VAC14: variants seen among roughly 807,000 people sequenced by gnomAD.
The protein encoded by VAC14 is VAC14 component of PIKFYVE complex.
VAC14 carries 47 observed loss-of-function variants against 85.3 expected under a neutral mutation model. That is an observed-to-expected ratio of 0.55 (90% CI 0.44 to 0.70). The LOEUF is 0.70. VAC14 is among the 30% of genes least tolerant of loss of function. VAC14 has a pLI of 0.00. For missense variants in VAC14, 861 were observed against 1,004.3 expected (o/e 0.86, Z 1.93); for synonymous variants, 447 against 430.5 (o/e 1.04, Z -0.47).
intron 14 of VAC14, among the ~76,000 whole-genome samples, chr16:70,729,694 G>A (rs891336441): frequency 2.6e-4 from 40 of 152,046 alleles, no homozygotes; most frequent in Admixed American, 1.6e-3. Flanking sequence ...TCTGGAACAC[G>A]TAGGGTTCAG....
At chr16:70,781,010 G>C in intron 8 of VAC14, 71 bp from the exon 9 acceptor site, 2 of 1,588,398 alleles carry the variant, frequency 1.3e-6, no homozygotes, top group South Asian at 2.3e-5. Context: ...GCTGAAATGT[G>C]ATTCCCAGTG....
In VAC14 at chr16:70,783,979, G is replaced by T. The variant is rs2033933792; in HGVS notation, c.594+134C>A. ...GGGCAAAGCTGAATAAGGTGTTTTT[G>T]AATTATCAGGTGTTAATGGCTATTC... On this transcript the variant is annotated intron_variant, in intron 5 of 18. Transcript: ENST00000261776. The T allele has an allele frequency of 2.7e-5, 19 of 715,206 alleles. No individual in the cohort carries two copies. In the South Asian group the frequency reaches 3.3e-4, roughly 12 times the overall value. The allele number at this position is 715,206 out of a possible 1,614,324, so 44.3% of individuals were successfully genotyped here. A position where few individuals can be genotyped will look rare whatever the true frequency, so the allele number is the denominator to read the frequency against.
chr16:70,718,531 G>A (rs2054215854), intron 14 of VAC14, among the ~76,000 whole-genome samples: 2 of 151,000 alleles, frequency 1.3e-5, no homozygotes, highest in South Asian at 4.2e-4. Flanking sequence ...ACAAGATTGC[G>A]CCACTGCACT....
chr16:70,735,167 G>A (rs1245023892), intron 13 of VAC14, among the ~76,000 whole-genome samples: 1 of 152,072 alleles, frequency 6.6e-6, no homozygotes, highest in Admixed American at 6.5e-5. Flanking sequence ...ACCCAGGGAG[G>A]ACACTGGGGG....
At chr16:70,706,466 C>T (rs1295300134) in intron 14 of VAC14, among the ~76,000 whole-genome samples, 2 of 152,236 alleles carry the variant, frequency 1.3e-5, no homozygotes, top group Non-Finnish European at 2.9e-5. Flanking sequence ...TCATTTCCAT[C>T]CCCAGCTGCC....
chr16:70,735,788 G>T (rs1159840439), intron 13 of VAC14, among the ~76,000 whole-genome samples: 3 of 152,254 alleles, frequency 2.0e-5, no homozygotes, highest in Non-Finnish European at 4.4e-5. Context: ...GCATTGTGCT[G>T]GGTCCCTGCC....
Position 70,783,772 on chromosome 16 carries a change from T to A in VAC14, c.595-218A>T, listed in dbSNP as rs115344062. Among the ~76,000 whole-genome samples, 122 of 152,270 alleles carry A rather than the reference T, an allele frequency of 8.0e-4. 1 individual carries two copies. Among genetic ancestry groups the A allele is most frequent in the Non-Finnish European group, 1.3e-3 (87 of 68,000 alleles). On this transcript the variant is annotated intron_variant, in intron 5 of 18. Transcript: ENST00000261776. Reference sequence around the variant, plus strand: ...CAATTTGACTCTAAGGAAATTCGGATGCCCAGGGGAGAAGGGGATGGATGG... The same window carrying A: ...CAATTTGACTCTAAGGAAATTCGGAAGCCCAGGGGAGAAGGGGATGGATGG...
In VAC14 at chr16:70,695,633, C is replaced by A. The variant is rs372837654; in HGVS notation, c.1956-10G>T. 1 of 1,612,886 alleles carries A rather than the reference C, an allele frequency of 6.2e-7. No individual in the cohort carries two copies. The highest frequency in any genetic ancestry group is 1.1e-5 in the South Asian group (1 of 91,048). ...GACCTCCAGGTCCCCACTGGGTGTGCAGTCAAGGAAAGTCTGTCTGCTGGG... is the reference window on the plus strand; with the variant it reads ...GACCTCCAGGTCCCCACTGGGTGTGAAGTCAAGGAAAGTCTGTCTGCTGGG... On this transcript the variant is annotated splice_polypyrimidine_tract_variant and intron_variant, in intron 16 of 18. Coordinates refer to ENST00000261776, the MANE Select transcript of VAC14 (RefSeq NM_018052.5).
intron 9 of VAC14, among the ~76,000 whole-genome samples, chr16:70,780,566 C>T (rs190560578): frequency 4.1e-4 from 63 of 152,368 alleles, no homozygotes; most frequent in Middle Eastern, 6.8e-3. Context: ...TTCCAGTCTT[C>T]ACTAGCTGCG....
chr16:70,735,954 T>C (rs2054737251), intron 13 of VAC14, among the ~76,000 whole-genome samples: 1 of 152,236 alleles, frequency 6.6e-6, no homozygotes, highest in African/African-American at 2.4e-5. Context: ...AAGAGGTGGC[T>C]GCAGAGACAG....
intron 1 of VAC14, among the ~76,000 whole-genome samples, chr16:70,787,110 C>T (rs1012264264): frequency 6.6e-6 from 1 of 152,122 alleles, no homozygotes; most frequent in Non-Finnish European, 1.5e-5. Flanking sequence ...TGAAAGTTTT[C>T]CAGCAAGGGA....
At chr16:70,735,459 T>C (rs540395583) in intron 13 of VAC14, among the ~76,000 whole-genome samples, 1 of 152,174 alleles carries the variant, frequency 6.6e-6, no homozygotes, top group Non-Finnish European at 1.5e-5. Flanking sequence ...AGACTGACTG[T>C]ATTTGATGCC....
Position 70,697,213 on chromosome 16 carries a change from G to A in VAC14, c.1881C>T (p.His627=). 6.2e-7 allele frequency: 1 copy of A among 1,614,084 alleles called. No homozygotes were observed. Among genetic ancestry groups the A allele is most frequent in the Non-Finnish European group, 8.5e-7 (1 of 1,179,992 alleles). ...AGAGGGACACCGTGGTGACTGGGTT[G>A]TGGCACCAGGAGCGGTACAGGCAGC... ...LFCCLYRSWC[H]NPVTTVSLCF... Residue 627 remains histidine (H), a synonymous_variant, in exon 16 of 19, where the codon CAC becomes CAT. Transcript: ENST00000261776.
chr16:70,707,872 C>T (rs1318340695), intron 14 of VAC14, among the ~76,000 whole-genome samples: 1 of 151,630 alleles, frequency 6.6e-6, no homozygotes, highest in African/African-American at 2.4e-5. Flanking sequence ...CTCGCTGCAA[C>T]CTCTGCCTCC....
intron 12 of VAC14, among the ~76,000 whole-genome samples, chr16:70,752,859 C>A (rs2031500173): frequency 6.6e-6 from 1 of 152,168 alleles, no homozygotes; most frequent in Admixed American, 6.5e-5. Flanking sequence ...CGCTTCTGAG[C>A]ACCTACTGTG....
rs1567577367 is a variant in VAC14 at position 70,760,965 on chromosome 16, GTGTGTGTGT to G, written c.1371+1566_1371+1574del. Among the ~76,000 whole-genome samples, 439 of 60,726 alleles carry G rather than the reference GTGTGTGTGT, an allele frequency of 7.2e-3. 22 individuals carry two copies. The highest frequency in any genetic ancestry group is 0.025 in the African/African-American group (390 of 15,608). 39.8% of individuals were successfully genotyped at this position (60,726 alleles called of 152,430 possible). ...AGGGGGTGGTGCACGAAGAGAGGGT[GTGTGTGTGT>G]GTGTGTGTGTGTGTGTGTGTGTGTG... is the stretch of plus-strand genomic sequence containing the variant. On this transcript the variant is annotated intron_variant, in intron 12 of 18. Transcript: ENST00000261776.
At chr16:70,748,674 C>T (rs1406356957) in intron 12 of VAC14, among the ~76,000 whole-genome samples, 10 of 152,074 alleles carry the variant, frequency 6.6e-5, no homozygotes, top group East Asian at 1.9e-4. Context: ...AGGCCAGGTG[C>T]GGTGGCTCAC....
chr16:70,725,727 A>T (rs1411542868), intron 14 of VAC14, among the ~76,000 whole-genome samples: 5 of 152,190 alleles, frequency 3.3e-5, no homozygotes, highest in Non-Finnish European at 5.9e-5. Context: ...CTGGGTCAGG[A>T]TCTCGTGAAA....
intron 14 of VAC14, among the ~76,000 whole-genome samples, chr16:70,707,823 A>G (rs2053950630): frequency 1.4e-5 from 2 of 145,742 alleles, no homozygotes; most frequent in African/African-American, 2.6e-5. Context: ...TTCAAGATGG[A>G]GTCTCGCTCT....
Sources: allele counts gnomAD v4.1 joint callset (sites outside exome capture counted in the v4.1 genomes callset), GRCh38; gene constraint gnomAD v4.1.1; transcripts MANE v1.5; gene names NCBI Gene and HGNC (gene_info 2026-07-23, HGNC 2026-07-21).